Variants in UBA3 observed in about 807,000 individuals in gnomAD.
The protein encoded by UBA3 is ubiquitin like modifier activating enzyme 3, also known as NEDD8-activating enzyme E1 catalytic subunit.
In UBA3, 26 loss-of-function variants were observed where a neutral mutation model predicts 73.5. That is an observed-to-expected ratio of 0.35 (90% CI 0.26 to 0.49). The LOEUF is 0.49. UBA3 is among the 20% of genes least tolerant of loss of function. The probability of loss-of-function intolerance (pLI) is 0.98; values close to 1 mark genes in which losing one functional copy is unlikely to be tolerated. For missense variants in UBA3, 495 were observed against 555.6 expected, an observed-to-expected ratio of 0.89 and a Z score of 1.10; for synonymous variants, 217 against 191.2, an observed-to-expected ratio of 1.13 and a Z score of -1.11.
At chr3:69,069,334 TTTTG>T (rs1167116009) in intron 5 of UBA3, among the ~76,000 whole-genome samples, 3 of 152,180 alleles carry the variant, frequency 2.0e-5, no homozygotes, top group Non-Finnish European at 4.4e-5. Flanking sequence ...TTTTCTTTTT[TTTTG>T]TTTGTTTGAG....
At chr3:69,070,730 GCAGC>G in intron 5 of UBA3, among the ~76,000 whole-genome samples, 1 of 152,120 alleles carries the variant, frequency 6.6e-6, no homozygotes, top group East Asian at 1.9e-4. Context: ...ACAGTTCACT[GCAGC>G]CTCCAGATCC....
At chr3:69,062,048 A>G (rs1342428918) in intron 10 of UBA3, 29 bp downstream of exon 10, 2 of 1,493,276 alleles carry the variant, frequency 1.3e-6, no homozygotes, top group African/African-American at 2.8e-5. Flanking sequence ...ATTTTATGTA[A>G]TTCTAGATTA....
At chr3:69,080,308 C>A (rs778663127) in intron 1 of UBA3, 26 bp downstream of exon 1, 1 of 1,603,716 alleles carries the variant, frequency 6.2e-7, no homozygotes, top group Admixed American at 1.7e-5. Flanking sequence ...CCCAGCCCGG[C>A]GCGTCTGCAG....
chr3:69,075,574 A>G, intron 3 of UBA3, 64 bp from the exon 4 acceptor site: 1 of 983,400 alleles, frequency 1.0e-6, no homozygotes, highest in Non-Finnish European at 1.4e-6. Flanking sequence ...AAATAAAGCA[A>G]CAAACTTTAA....
Position 69,078,158 on chromosome 3 carries a change from T to C in UBA3, c.63-240A>G, listed in dbSNP as rs142290245. ...TCACCCAATGGATGAAATAAATCAG[T>C]CTACATGTTTTTGGTTTCCTAAAGC... On this transcript the variant is annotated intron_variant, in intron 2 of 17. Transcript: ENST00000361055. Among the ~76,000 whole-genome samples, 265 of 152,346 alleles carry C rather than the reference T, an allele frequency of 1.7e-3. 1 individual carries two copies. The highest frequency in any genetic ancestry group is 1.8e-3 in the Non-Finnish European group (120 of 68,030).
chr3:69,060,443 T>C (rs2092012528), intron 11 of UBA3, among the ~76,000 whole-genome samples: 2 of 152,164 alleles, frequency 1.3e-5, no homozygotes, highest in Non-Finnish European at 2.9e-5. Flanking sequence ...AACAACAACA[T>C]AAATACCTGC....
chr3:69,080,273 A>C, intron 1 of UBA3, 61 bp downstream of exon 1: 1 of 1,589,566 alleles, frequency 6.3e-7, no homozygotes, highest in Non-Finnish European at 8.5e-7. Context: ...GCAACCGCCC[A>C]CCGCCGCGCT....
chr3:69,060,980 T>C (rs2092016452), intron 11 of UBA3, among the ~76,000 whole-genome samples: 1 of 152,232 alleles, frequency 6.6e-6, no homozygotes, highest in South Asian at 2.1e-4. Context: ...ATGAGCCAAA[T>C]AAACCTCTTT....
intron 5 of UBA3, 22 bp downstream of exon 5, chr3:69,071,513 C>T: frequency 7.5e-7 from 1 of 1,330,212 alleles, no homozygotes; most frequent in Non-Finnish European, 1.0e-6. Flanking sequence ...AAAAAGAAAA[C>T]CGCTAAGATA....
At chr3:69,067,071 A>G (rs1421752294) in intron 6 of UBA3, among the ~76,000 whole-genome samples, 1 of 152,184 alleles carries the variant, frequency 6.6e-6, no homozygotes, top group Non-Finnish European at 1.5e-5. Flanking sequence ...TTGCTTTTCT[A>G]TATAAAATTT....
chr3:69,074,121 A>C (rs961887240), intron 4 of UBA3, among the ~76,000 whole-genome samples: 1 of 152,198 alleles, frequency 6.6e-6, no homozygotes, highest in Non-Finnish European at 1.5e-5. Flanking sequence ...CTTCAGATCT[A>C]ATCTTCAATT....
At chr3:69,060,207 G>C (rs2092010288) in intron 11 of UBA3, among the ~76,000 whole-genome samples, 1 of 151,906 alleles carries the variant, frequency 6.6e-6, no homozygotes. Context: ...CAGGTAAGTT[G>C]GCAGAATACA....
In UBA3 at chr3:69,064,093, T is replaced by C. The variant is rs1415547236; in HGVS notation, c.447A>G (p.Gln149=). The C allele has an allele frequency of 7.5e-5, 120 of 1,603,962 alleles. No individual in the cohort carries two copies. Among genetic ancestry groups the C allele is most frequent in the Non-Finnish European group, 9.9e-5 (116 of 1,176,534 alleles). The change falls in exon 7 of 18, where the codon CAA becomes CAG. Residue 149 remains glutamine, a synonymous_variant. Coordinates refer to ENST00000361055, the MANE Select transcript of UBA3 (RefSeq NM_003968.4). ...GTCGATAGAAAGTGTCGTTAAAATC[T>C]TGAATCTTGTTGAAATGTCTGAATA... ...CNVVPHFNKI[Q]DFNDTFYRQF...
chr3:69,059,742 A>C (rs2092006698), intron 11 of UBA3, among the ~76,000 whole-genome samples: 1 of 152,128 alleles, frequency 6.6e-6, no homozygotes, highest in South Asian at 2.1e-4. Context: ...CACAGGAGAG[A>C]AATGGCAGAT....
rs1559640090 is a variant in UBA3, at chr3:69,056,771, C to T, written c.1001+8G>A. On this transcript the variant is annotated splice_region_variant and intron_variant, in intron 13 of 17. Coordinates refer to ENST00000361055, the MANE Select transcript of UBA3 (RefSeq NM_003968.4). ...ATTTACATGCATATTAAAAATGAAA[C>T]CTATTACCTTGTGGCTATTTTAAAA... 1.2e-6 allele frequency: 2 copies of T among 1,612,478 alleles called. No homozygotes were observed. The highest frequency in any genetic ancestry group is 1.7e-6 in the Non-Finnish European group (2 of 1,179,438).
intron 5 of UBA3, among the ~76,000 whole-genome samples, chr3:69,068,990 A>T (rs916272925): frequency 1.3e-5 from 2 of 152,236 alleles, no homozygotes; most frequent in African/African-American, 4.8e-5. Context: ...CAATAACCAC[A>T]CATATAGATA....
In UBA3 at chr3:69,057,263, G is replaced by A. The variant is rs369561033; in HGVS notation, c.957C>T (p.Val319=). ...TGGCCTTTTCTTCCTCACCTGCAAT[G>A]ACTGCATTTGTGGAAGCTACTGCAG... ...IIPAVASTNA[V]IAAVCATEVF... Residue 319 remains valine, a synonymous_variant, in exon 12 of 18, where the codon GTC becomes GTT. Coordinates refer to ENST00000361055, the MANE Select transcript of UBA3 (RefSeq NM_003968.4). 289 of 1,610,894 alleles carry A rather than the reference G, an allele frequency of 1.8e-4. No individual in the cohort carries two copies. The highest frequency in any genetic ancestry group is 2.3e-4 in the Non-Finnish European group (271 of 1,179,252).
intron 2 of UBA3, chr3:69,079,739 G>T: frequency 4.0e-6 from 1 of 252,804 alleles, no homozygotes; most frequent in Non-Finnish European, 7.5e-6. Flanking sequence ...GCCACAAAAC[G>T]GTCTTGTGTC....
chr3:69,056,387 T>G, intron 14 of UBA3, 104 bp from the exon 15 acceptor site: 1 of 1,063,514 alleles, frequency 9.4e-7, no homozygotes, highest in Non-Finnish European at 1.3e-6. Flanking sequence ...TCATGCATAT[T>G]TCCTATAAAA....
Sources: allele counts gnomAD v4.1 joint callset (sites outside exome capture counted in the v4.1 genomes callset), GRCh38; gene constraint gnomAD v4.1.1; transcripts MANE v1.5; gene names NCBI Gene and HGNC (gene_info 2026-07-23, HGNC 2026-07-21).